The following RIMS1 variants were observed in gnomAD, a reference collection of about 807,000 sequenced individuals.
RIMS1 encodes regulating synaptic membrane exocytosis protein 1.
Under a neutral mutation model 214.1 loss-of-function variants are expected in RIMS1, and 83 were observed. That is an observed-to-expected ratio of 0.39 (90% CI 0.32 to 0.47). RIMS1 has a LOEUF of 0.47. Ranked by LOEUF, RIMS1 falls within the 20% of genes least tolerant of loss-of-function variation. The pLI, the probability that RIMS1 is intolerant of heterozygous loss-of-function variation, is 0.99. For missense variants in RIMS1, 2,050 were observed against 2,161.8 expected (o/e 0.95, Z 1.03); for synonymous variants, 793 against 786.8 (o/e 1.01, Z -0.13).
intron 29 of RIMS1, among the ~76,000 whole-genome samples, chr6:72,385,060 T>G (rs1221713479): frequency 6.6e-6 from 1 of 152,178 alleles, no homozygotes; most frequent in Non-Finnish European, 1.5e-5. Context: ...TTTTAGTAAT[T>G]TTTCATGTGA....
At chr6:72,340,155 G>A (rs1284543607) in intron 29 of RIMS1, among the ~76,000 whole-genome samples, 1 of 151,836 alleles carries the variant, frequency 6.6e-6, no homozygotes, top group African/African-American at 2.4e-5. Context: ...TTGTAAATTT[G>A]TTTGAGTTCA....
chr6:72,154,105 G>T (rs541012363), intron 4 of RIMS1, among the ~76,000 whole-genome samples: 3 of 151,886 alleles, frequency 2.0e-5, no homozygotes, highest in Non-Finnish European at 4.4e-5. Flanking sequence ...ATACACACAC[G>T]CACGCACTCA....
intron 19 of RIMS1, among the ~76,000 whole-genome samples, chr6:72,264,225 A>G (rs1347999594): frequency 2.0e-5 from 3 of 152,280 alleles, no homozygotes; most frequent in African/African-American, 7.2e-5. Context: ...ACATTATTAA[A>G]TTATCAAAAA....
At chr6:71,945,144 G>A (rs553045473) in intron 1 of RIMS1, among the ~76,000 whole-genome samples, 1 of 152,264 alleles carries the variant, frequency 6.6e-6, no homozygotes, top group African/African-American at 2.4e-5. Context: ...AAAAATGTGG[G>A]CAGCACTTAC....
At position 72,042,620 on chromosome 6, in the gene RIMS1, G is replaced by A. The variant is rs150336330; in HGVS notation, c.246-54329G>A. 6.4e-3 allele frequency among the ~76,000 whole-genome samples: 971 copies of A among 151,924 alleles called. 5 individuals carry two copies. Among genetic ancestry groups the A allele is most frequent in the Non-Finnish European group, 0.011 (717 of 67,802 alleles). ...CTCCAATTTTTCCAAATTACTAACA[G>A]TGCTGTATAACACTTGTACTTTCTC... On this transcript the variant is annotated intron_variant, in intron 2 of 33. Transcript: ENST00000521978.
chr6:72,231,809 C>G (rs930748295), intron 6 of RIMS1, among the ~76,000 whole-genome samples: 1 of 151,596 alleles, frequency 6.6e-6, no homozygotes, highest in South Asian at 2.1e-4. Context: ...TTTTGCAGAT[C>G]GAATATTCAC....
chr6:72,207,883 C>T (rs1362816724), intron 6 of RIMS1, among the ~76,000 whole-genome samples: 1 of 152,040 alleles, frequency 6.6e-6, no homozygotes, highest in East Asian at 1.9e-4. Flanking sequence ...AGAGGAATCT[C>T]TAATCTCCAA....
At chr6:72,371,148 ATGTATGTG>A (rs952091927) in intron 29 of RIMS1, among the ~76,000 whole-genome samples, 2 of 151,958 alleles carry the variant, frequency 1.3e-5, no homozygotes, top group African/African-American at 2.4e-5. Context: ...CTGTATGTGT[ATGTATGTG>A]TGTATGTGTG....
chr6:72,014,841 A>G (rs982354265), intron 2 of RIMS1, among the ~76,000 whole-genome samples: 1 of 152,230 alleles, frequency 6.6e-6, no homozygotes. Context: ...CTAATGAATA[A>G]TAAGGTCAAG....
At chr6:72,333,920 T>C in intron 29 of RIMS1, 85 bp downstream of exon 29, 1 of 960,908 alleles carries the variant, frequency 1.0e-6, no homozygotes, top group Non-Finnish European at 1.6e-6. Context: ...TGTGATGGAA[T>C]TGTGGCATAT....
rs867083355 is a variant in RIMS1 at position 72,154,470 on chromosome 6, A to G, written c.472-25105A>G. 4.2e-5 allele frequency among the ~76,000 whole-genome samples: 6 copies of G among 141,196 alleles called. 1 individual carries two copies. The South Asian group carries it at 1.4e-3, about 33-fold the overall frequency. The allele number at this position is 141,196 out of a possible 152,430, so 92.6% of individuals were successfully genotyped here. Reference sequence around the variant, plus strand: ...AGCAAAAAATCTAAAGACTAATGTAAAGGCAAAAATACGTCAAAACATAAT... The same window carrying G: ...AGCAAAAAATCTAAAGACTAATGTAGAGGCAAAAATACGTCAAAACATAAT... On this transcript the variant is annotated intron_variant, in intron 4 of 33. Coordinates refer to ENST00000521978, the MANE Select transcript of RIMS1 (RefSeq NM_014989.7).
intron 28 of RIMS1, among the ~76,000 whole-genome samples, chr6:72,324,027 CATAGATAGATAGATAGATAGATAGATAG>C (rs70994121): frequency 1.4e-5 from 2 of 145,888 alleles, no homozygotes; most frequent in African/African-American, 5.1e-5. Context: ...TGCATGCATG[CATAGATAGATAGATAGATAGATAGATAG>C]ATAGATAGAT....
intron 1 of RIMS1, among the ~76,000 whole-genome samples, chr6:71,921,519 G>C (rs1047494682): frequency 6.6e-6 from 1 of 152,196 alleles, no homozygotes; most frequent in Admixed American, 6.5e-5. Context: ...TCTGAGCATA[G>C]TGATTCACAA....
chr6:71,984,558 A>C (rs576752071), intron 2 of RIMS1, among the ~76,000 whole-genome samples: 3 of 152,312 alleles, frequency 2.0e-5, no homozygotes, highest in Non-Finnish European at 4.4e-5. Context: ...AGAAGGCATT[A>C]TTATATTATA....
chr6:72,384,185 T>C (rs1253730739), intron 29 of RIMS1, among the ~76,000 whole-genome samples: 1 of 152,180 alleles, frequency 6.6e-6, no homozygotes, highest in Non-Finnish European at 1.5e-5. Context: ...CATCTAATTA[T>C]TCCAATCTAC....
chr6:72,006,232 A>C (rs1211800183), intron 2 of RIMS1, among the ~76,000 whole-genome samples: 1 of 152,184 alleles, frequency 6.6e-6, no homozygotes. Context: ...ATTGGGGATT[A>C]ATATTTCAAC....
At chr6:72,175,915 T>G (rs2047640423) in intron 4 of RIMS1, among the ~76,000 whole-genome samples, 1 of 152,178 alleles carries the variant, frequency 6.6e-6, no homozygotes, top group South Asian at 2.1e-4. Context: ...GGTAAAAAAT[T>G]CCTATGGGTT....
intron 6 of RIMS1, among the ~76,000 whole-genome samples, chr6:72,219,258 C>G (rs889715849): frequency 1.3e-5 from 2 of 152,094 alleles, no homozygotes; most frequent in African/African-American, 4.8e-5. Context: ...TTATTTGATA[C>G]TATGATAATT....
intron 6 of RIMS1, among the ~76,000 whole-genome samples, chr6:72,190,381 T>G (rs1482728795): frequency 6.6e-6 from 1 of 150,892 alleles, no homozygotes; most frequent in African/African-American, 2.4e-5. Context: ...GAGAATCATT[T>G]GAACCCGGGA....
Sources: gnomAD v4.1 joint callset for allele counts (sites outside exome capture counted in the v4.1 genomes callset) on GRCh38, gnomAD v4.1.1 for gene constraint, MANE v1.5 for transcripts, NCBI Gene and HGNC (gene_info 2026-07-23, HGNC 2026-07-21) for gene names.